ABLIM3: variants seen among roughly 807,000 people sequenced by gnomAD.
The protein encoded by ABLIM3 is actin-binding LIM protein 3.
A neutral mutation model predicts 109.5 loss-of-function variants in ABLIM3; 61 were observed. That is an observed-to-expected ratio of 0.56 (90% CI 0.45 to 0.69). ABLIM3 has a LOEUF of 0.69. Among genes scored for constraint, ABLIM3 ranks in the 30% least tolerant of loss-of-function variants. ABLIM3 has a pLI of 0.00. For missense variants in ABLIM3, 796 were observed against 889.5 expected, an observed-to-expected ratio of 0.89 and a Z score of 1.34; for synonymous variants, 300 against 324.8, an observed-to-expected ratio of 0.92 and a Z score of 0.82.
intron 17 of ABLIM3, among the ~76,000 whole-genome samples, chr5:149,247,008 G>A (rs924232083): frequency 5.9e-5 from 9 of 152,200 alleles, no homozygotes; most frequent in Admixed American, 2.0e-4. Flanking sequence ...ACTCATATCC[G>A]TGGCAGCACT....
intron 8 of ABLIM3, among the ~76,000 whole-genome samples, chr5:149,225,488 G>A (rs931018780): frequency 1.4e-4 from 22 of 152,186 alleles, no homozygotes; most frequent in African/African-American, 4.1e-4. Flanking sequence ...GGTATCAGCA[G>A]GTCATTCCTT....
intron 7 of ABLIM3, among the ~76,000 whole-genome samples, chr5:149,212,792 G>T (rs1248169018): frequency 6.6e-6 from 1 of 152,172 alleles, no homozygotes. Context: ...GATGAGTTGT[G>T]ATTGAAATCC....
At chr5:149,178,537 C>G (rs1352526426) in intron 2 of ABLIM3, among the ~76,000 whole-genome samples, 1 of 152,154 alleles carries the variant, frequency 6.6e-6, no homozygotes, top group Non-Finnish European at 1.5e-5. Flanking sequence ...CATAGGTGCT[C>G]CTACCTTTTA....
intron 3 of ABLIM3, among the ~76,000 whole-genome samples, chr5:149,194,560 C>T (rs747270313): frequency 2.0e-5 from 3 of 152,206 alleles, no homozygotes; most frequent in Non-Finnish European, 2.9e-5. Flanking sequence ...AGTAGACCAA[C>T]TGTGATGTAT....
rs143515545 is a variant in ABLIM3 at position 149,191,380 on chromosome 5, T to C, written c.152-6839T>C. On this transcript the variant is annotated intron_variant, in intron 3 of 23. Coordinates refer to ENST00000309868, the MANE Select transcript of ABLIM3 (RefSeq NM_014945.5). The stretch of plus-strand genomic sequence containing the variant: ...AAATTAAAACCTACTCAAGAAGAAA[T>C]TTTGAAACCTGAGTAGTCCTATAAT... Among the ~76,000 whole-genome samples, 1,064 of 152,298 alleles carry C rather than the reference T, an allele frequency of 7.0e-3. 16 individuals are homozygous for C. The highest frequency in any genetic ancestry group is 0.024 in the African/African-American group (1,001 of 41,566).
intron 8 of ABLIM3, among the ~76,000 whole-genome samples, chr5:149,227,709 C>T (rs1369585903): frequency 6.6e-6 from 1 of 152,156 alleles, no homozygotes; most frequent in Non-Finnish European, 1.5e-5. Context: ...GTTTGACACA[C>T]CCCAATATAG....
At position 149,244,903 on chromosome 5, in the gene ABLIM3, G is replaced by A; in HGVS notation, c.1374G>A (p.Lys458=). ...CAGGTGATTTGTCTACAGCAACCAAGAGCAAAACAAGTGAAGACATCAGCC... is the reference window on the plus strand; with the variant it reads ...CAGGTGATTTGTCTACAGCAACCAAAAGCAAAACAAGTGAAGACATCAGCC... ...KRHGDLSTAT[K]SKTSEDISQT... The change falls in exon 16 of 24, where the codon AAG becomes AAA. Residue 458 remains lysine, a synonymous_variant. Transcript: ENST00000309868. The A allele has an allele frequency of 6.2e-7, 1 of 1,614,154 alleles. No individual in the cohort carries two copies. Among genetic ancestry groups the A allele is most frequent in the Non-Finnish European group, 8.5e-7 (1 of 1,180,040 alleles).
rs886280982 is a variant in ABLIM3 at position 149,214,021 on chromosome 5, G to A, written c.670-2938G>A. Among the ~76,000 whole-genome samples, 91 of 152,260 alleles carry A rather than the reference G, an allele frequency of 6.0e-4. 2 individuals are homozygous for A. Among genetic ancestry groups the A allele is most frequent in the African/African-American group, 2.0e-3 (83 of 41,540 alleles). ...AGCTCTCAGCCACTTGGGGGTCTTT[G>A]AGGTAGCATGATGTCAGGAAATAGA... On this transcript the variant is annotated intron_variant, in intron 7 of 23. Coordinates refer to ENST00000309868, the MANE Select transcript of ABLIM3 (RefSeq NM_014945.5).
At chr5:149,147,357 G>A (rs567921265) in intron 2 of ABLIM3, among the ~76,000 whole-genome samples, 21 of 152,072 alleles carry the variant, frequency 1.4e-4, no homozygotes, top group African/African-American at 3.4e-4. Context: ...TTTATGTGGC[G>A]AATCAATTTA....
At chr5:149,169,820 T>C (rs1305200449) in intron 2 of ABLIM3, among the ~76,000 whole-genome samples, 2 of 152,242 alleles carry the variant, frequency 1.3e-5, no homozygotes, top group Non-Finnish European at 2.9e-5. Context: ...TGGCTCATGT[T>C]AGATACAGGA....
At chr5:149,233,130 A>T in intron 9 of ABLIM3, 99 bp from the exon 10 acceptor site, 1 of 1,004,818 alleles carries the variant, frequency 1.0e-6, no homozygotes, top group South Asian at 1.3e-5. Context: ...GAGTACTTTA[A>T]TGGTATTGCT....
In ABLIM3 at chr5:149,233,299, G is replaced by A. The variant is rs1223711292; in HGVS notation, c.887G>A (p.Cys296Tyr). The A allele has an allele frequency of 6.8e-6, 11 of 1,614,020 alleles. No homozygotes were observed. The highest frequency in any genetic ancestry group is 8.5e-6 in the Non-Finnish European group (10 of 1,179,902). Residue 296 changes from cysteine to tyrosine, a missense_variant and splice_region_variant, in exon 10 of 24, where the codon TGC becomes TAC. Cys to Tyr is a radical substitution (Grantham distance 194). Coordinates refer to ENST00000309868, the MANE Select transcript of ABLIM3 (RefSeq NM_014945.5). ...SSIGSPNRVICAKVDNEILNY... is the reference protein window; with the variant it reads ...SSIGSPNRVIYAKVDNEILNY... The stretch of plus-strand genomic sequence containing the variant: ...ATTGGGTCACCCAACCGAGTCATCT[G>A]CGTATGTATCACTTTTCTACCACCA...
intron 3 of ABLIM3, among the ~76,000 whole-genome samples, chr5:149,188,272 G>A (rs1023379228): frequency 6.6e-6 from 1 of 151,934 alleles, no homozygotes; most frequent in African/African-American, 2.4e-5. Flanking sequence ...AAATCCCAAG[G>A]AATACTAAAA....
intron 7 of ABLIM3, among the ~76,000 whole-genome samples, chr5:149,212,396 A>G (rs935669744): frequency 6.6e-6 from 1 of 152,120 alleles, no homozygotes; most frequent in African/African-American, 2.4e-5. Context: ...GCAAGGGAGC[A>G]TTGTGGAGAG....
rs557165666 is a variant in ABLIM3 at position 149,178,852 on chromosome 5, C to T, written c.14-4600C>T. 2.7e-4 allele frequency among the ~76,000 whole-genome samples: 41 copies of T among 152,214 alleles called. 1 individual carries two copies. Among genetic ancestry groups the T allele is most frequent in the Admixed American group, 2.3e-3 (35 of 15,278 alleles). On this transcript the variant is annotated intron_variant, in intron 2 of 23. Transcript: ENST00000309868. ...GCAGAATCATGTAACAAGAGGGACT[C>T]GTATGGATCACTTTGTTCAACCTCT...
chr5:149,145,791 T>TC (rs1330019848), intron 2 of ABLIM3, among the ~76,000 whole-genome samples: 3 of 120,284 alleles, frequency 2.5e-5, no homozygotes, highest in Non-Finnish European at 3.8e-5. Flanking sequence ...CACGTGTATG[T>TC]CTTTTTTTTT....
chr5:149,210,482 G>C (rs994031875), intron 6 of ABLIM3, among the ~76,000 whole-genome samples: 3 of 152,194 alleles, frequency 2.0e-5, no homozygotes, highest in Non-Finnish European at 2.9e-5. Flanking sequence ...ATCACTGTCC[G>C]CCAAGTGATA....
At chr5:149,199,617 C>A (rs1268279585) in intron 4 of ABLIM3, among the ~76,000 whole-genome samples, 1 of 152,256 alleles carries the variant, frequency 6.6e-6, no homozygotes, top group East Asian at 1.9e-4. Flanking sequence ...CACCCTGGTG[C>A]TCCCTCCATC....
At position 149,246,532 on chromosome 5, in the gene ABLIM3, C is replaced by T. The variant is rs148988138; in HGVS notation, c.1537C>T (p.Arg513Cys). Residue 513 changes from arginine to cysteine, a missense_variant, in exon 17 of 24, where the codon CGC becomes TGC. By Grantham distance (180) the Arg-to-Cys change is radical. Transcript: ENST00000309868. Reference protein sequence around the residue: ...SSGGEEDDFDRSMHKLQSGIG... With the variant: ...SSGGEEDDFDCSMHKLQSGIG... ...TGGAGGAGAGGAGGATGATTTTGAC[C>T]GCAGCATGCACAAGGTGGGCAGAGA... is the stretch of plus-strand genomic sequence containing the variant. The T allele has an allele frequency of 6.9e-4, 1,115 of 1,613,968 alleles. 1 individual carries two copies. Among genetic ancestry groups the T allele is most frequent in the Non-Finnish European group, 8.5e-4 (1,005 of 1,179,982 alleles).
Sources: allele counts gnomAD v4.1 joint callset (sites outside exome capture counted in the v4.1 genomes callset), GRCh38; gene constraint gnomAD v4.1.1; transcripts MANE v1.5; gene names NCBI Gene and HGNC (gene_info 2026-07-23, HGNC 2026-07-21).